Variants in PHF21A observed in about 807,000 individuals in gnomAD.
PHF21A encodes PHD finger protein 21A.
PHF21A carries 11 observed loss-of-function variants against 82.5 expected under a neutral mutation model. The observed-to-expected ratio is 0.13, with a 90% CI of 0.08 to 0.22. The LOEUF is 0.22. PHF21A is among the 10% of genes least tolerant of loss of function. The pLI is 1.00. For missense variants in PHF21A, 579 were observed against 837.8 expected, an observed-to-expected ratio of 0.69 and a Z score of 3.81; for synonymous variants, 297 against 302.8, an observed-to-expected ratio of 0.98 and a Z score of 0.20.
intron 18 of PHF21A, chr11:45,935,181 C>G: frequency 7.8e-7 from 1 of 1,290,082 alleles, no homozygotes; most frequent in Non-Finnish European, 1.0e-6. Flanking sequence ...CCGGGAAATG[C>G]AATCAGCATG....
chr11:46,057,521 G>A (rs1434167999), intron 6 of PHF21A, among the ~76,000 whole-genome samples: 2 of 152,106 alleles, frequency 1.3e-5, no homozygotes, highest in Non-Finnish European at 1.5e-5. Context: ...GGGAAAAACT[G>A]TACTTTCTGT....
chr11:45,953,361 A>T (rs1416840158), intron 11 of PHF21A, among the ~76,000 whole-genome samples, 166 bp downstream of exon 11: 2 of 152,200 alleles, frequency 1.3e-5, no homozygotes, highest in African/African-American at 4.8e-5. Context: ...TAAGAATTCC[A>T]CTCTAGACCA....
chr11:46,034,229 CT>C (rs1413430178), intron 6 of PHF21A, among the ~76,000 whole-genome samples: 3 of 151,884 alleles, frequency 2.0e-5, no homozygotes, highest in South Asian at 2.1e-4. Flanking sequence ...CCACCCCCCC[CT>C]TGCATACTTT....
At chr11:46,042,527 T>C (rs1486377579) in intron 6 of PHF21A, among the ~76,000 whole-genome samples, 1 of 152,110 alleles carries the variant, frequency 6.6e-6, no homozygotes, top group African/African-American at 2.4e-5. Flanking sequence ...ATTGGTGAAA[T>C]GTATAGCATG....
intron 15 of PHF21A, among the ~76,000 whole-genome samples, chr11:45,940,446 G>A (rs771067349): frequency 1.3e-5 from 2 of 152,068 alleles, no homozygotes; most frequent in Non-Finnish European, 2.9e-5. Context: ...TGCCCACCTC[G>A]GCCTCCCAAA....
chr11:46,107,662 T>G (rs2135920417), intron 1 of PHF21A, among the ~76,000 whole-genome samples: 1 of 152,326 alleles, frequency 6.6e-6, no homozygotes, highest in South Asian at 2.1e-4. Flanking sequence ...CGAAAACTTT[T>G]TATTACCTGT....
intron 6 of PHF21A, among the ~76,000 whole-genome samples, chr11:45,989,712 A>C (rs1196741188): frequency 6.7e-6 from 1 of 149,830 alleles, no homozygotes; most frequent in Admixed American, 6.7e-5. Context: ...AAAAATAAAA[A>C]ATTTAGCTGG....
At chr11:46,105,927 A>G (rs988679194) in intron 1 of PHF21A, among the ~76,000 whole-genome samples, 1 of 152,240 alleles carries the variant, frequency 6.6e-6, no homozygotes, top group Non-Finnish European at 1.5e-5. Context: ...CTAATATCTA[A>G]TAGCATGACA....
At chr11:45,940,777 G>GTTT (rs1057296757) in intron 15 of PHF21A, among the ~76,000 whole-genome samples, 2 of 152,196 alleles carry the variant, frequency 1.3e-5, no homozygotes, top group African/African-American at 4.8e-5. Flanking sequence ...TTTAGAGACT[G>GTTT]TTTTATGTGA....
chr11:46,025,125 A>T (rs1183433503), intron 6 of PHF21A, among the ~76,000 whole-genome samples: 1 of 152,078 alleles, frequency 6.6e-6, no homozygotes, highest in Admixed American at 6.5e-5. Context: ...TCTCTGAAAG[A>T]GATAACAGTG....
intron 6 of PHF21A, among the ~76,000 whole-genome samples, chr11:45,988,291 G>T (rs1051414151): frequency 6.6e-6 from 1 of 152,164 alleles, no homozygotes. Flanking sequence ...TTTCAAAGAT[G>T]AGGATACCTT....
At chr11:46,084,923 A>C (rs1020602751) in intron 3 of PHF21A, among the ~76,000 whole-genome samples, 1 of 151,856 alleles carries the variant, frequency 6.6e-6, no homozygotes, top group Non-Finnish European at 1.5e-5. Context: ...CTCGTGATCC[A>C]CCCATCTCAG....
intron 15 of PHF21A, among the ~76,000 whole-genome samples, chr11:45,940,512 T>C (rs774705195): frequency 2.0e-5 from 3 of 152,158 alleles, no homozygotes; most frequent in Non-Finnish European, 4.4e-5. Context: ...TGTTTCTTAG[T>C]AGGAAAATGT....
chr11:46,043,823 C>G (rs1302136700), intron 6 of PHF21A, among the ~76,000 whole-genome samples: 1 of 152,140 alleles, frequency 6.6e-6, no homozygotes, highest in Non-Finnish European at 1.5e-5. Context: ...ACTTTGGACT[C>G]CAGAAGGGCA....
chr11:46,088,533 T>G (rs1486984583), intron 3 of PHF21A, among the ~76,000 whole-genome samples: 1 of 152,130 alleles, frequency 6.6e-6, no homozygotes, highest in East Asian at 1.9e-4. Flanking sequence ...ACATTCACCA[T>G]CCCAAAAAAC....
chr11:46,084,223 C>CT lies in PHF21A; in HGVS notation c.-5dup, dbSNP rs1476818426. ...CCTGTAGAGTCTGCAACTCCATCCT[C>CT]TACCTTCTCCACTTTCTCTGCTAAT... On this transcript the variant is annotated 5_prime_UTR_variant, in exon 4 of 19. Coordinates refer to ENST00000676320, the MANE Select transcript of PHF21A (RefSeq NM_001352027.3). 5.0e-6 allele frequency: 8 copies of CT among 1,596,258 alleles called. No individual in the cohort carries two copies. Among genetic ancestry groups the CT allele is most frequent in the Non-Finnish European group, 6.8e-6 (8 of 1,174,332 alleles).
At chr11:46,034,378 G>A (rs940309668) in intron 6 of PHF21A, among the ~76,000 whole-genome samples, 6 of 151,870 alleles carry the variant, frequency 4.0e-5, no homozygotes, top group African/African-American at 1.2e-4. Context: ...TGCTTTTACT[G>A]CCTTTGCCTT....
At chr11:46,092,874 C>T (rs910957718) in intron 1 of PHF21A, among the ~76,000 whole-genome samples, 6 of 151,848 alleles carry the variant, frequency 4.0e-5, no homozygotes, top group African/African-American at 1.2e-4. Context: ...CCTCCCACCT[C>T]AGCCTCCTGA....
At chr11:46,044,066 T>A (rs2096211091) in intron 6 of PHF21A, among the ~76,000 whole-genome samples, 1 of 151,974 alleles carries the variant, frequency 6.6e-6, no homozygotes, top group African/African-American at 2.4e-5. Flanking sequence ...ATTAGAGGAG[T>A]ACTACATTTG....
Sources: gnomAD v4.1 joint callset for allele counts (sites outside exome capture counted in the v4.1 genomes callset) on GRCh38, gnomAD v4.1.1 for gene constraint, MANE v1.5 for transcripts, NCBI Gene and HGNC (gene_info 2026-07-23, HGNC 2026-07-21) for gene names.